Variants in FAT4 observed in about 807,000 individuals in gnomAD.
FAT4 encodes the protein FAT atypical cadherin 4.
Under a neutral mutation model 303.9 loss-of-function variants are expected in FAT4, and 84 were observed. The ratio of observed to expected loss-of-function variants is 0.28; its 90% CI spans 0.23 to 0.33. The LOEUF is 0.33. Among genes scored for constraint, FAT4 ranks in the 10% least tolerant of loss-of-function variants. The pLI is 1.00. For synonymous variants in FAT4, 2,307 were observed against 2,298.8 expected (o/e 1.00, Z -0.10); for missense variants, 6,005 against 6,146.8 (o/e 0.98, Z 0.77).
intron 11 of FAT4, among the ~76,000 whole-genome samples, chr4:125,464,137 A>G (rs1419524226): frequency 2.0e-5 from 3 of 152,064 alleles, no homozygotes. Context: ...AGCCACTTTT[A>G]TTAGAAGGAC....
At chr4:125,471,752 A>T (rs1357001203) in intron 12 of FAT4, among the ~76,000 whole-genome samples, 1 of 151,852 alleles carries the variant, frequency 6.6e-6, no homozygotes, top group African/African-American at 2.4e-5. Flanking sequence ...TTGAGCCTTT[A>T]AAAGTGTAGT....
chr4:125,343,907 G>A (rs1008783510), intron 2 of FAT4, among the ~76,000 whole-genome samples: 1 of 152,142 alleles, frequency 6.6e-6, no homozygotes, highest in African/African-American at 2.4e-5. Context: ...AAAGGAGGGT[G>A]AAGAACAGTA....
chr4:125,364,923 AC>A (rs1732808124), intron 2 of FAT4, among the ~76,000 whole-genome samples: 1 of 152,130 alleles, frequency 6.6e-6, no homozygotes, highest in Admixed American at 6.6e-5. Context: ...TGAAAAGAAA[AC>A]AGTTAGAGGT....
intron 6 of FAT4, 140 bp from the exon 7 acceptor site, chr4:125,416,308 T>A (rs545616388): frequency 1.1e-5 from 9 of 785,028 alleles, no homozygotes; most frequent in Middle Eastern, 6.5e-4. Context: ...GTGCCATTTT[T>A]ATTTTTTACT....
At chr4:125,342,779 G>A (rs1731848412) in intron 2 of FAT4, among the ~76,000 whole-genome samples, 2 of 151,716 alleles carry the variant, frequency 1.3e-5, no homozygotes, top group Admixed American at 6.6e-5. Flanking sequence ...TTATAGCTAA[G>A]AATGTTAAAA....
chr4:125,446,379 C>G lies in FAT4; in HGVS notation c.7286C>G (p.Thr2429Arg). 1 of 1,613,450 alleles carries G rather than the reference C, an allele frequency of 6.2e-7. No individual in the cohort carries two copies. The highest frequency in any genetic ancestry group is 8.5e-7 in the Non-Finnish European group (1 of 1,179,494). The change falls in exon 9 of 18, where the codon ACA becomes AGA. Residue 2429 changes from threonine to arginine, a missense_variant. Coordinates refer to ENST00000394329, the MANE Select transcript of FAT4 (RefSeq NM_001291303.3). The part of the protein sequence containing the change: ...IITSALLDRE[T>R]KDNYTLVVVC... ...ACCAGCGCATTGTTAGATAGGGAAA[C>G]AAAAGATAATTATACTTTGGTAGTG...
At chr4:125,338,683 C>T (rs980079399) in intron 2 of FAT4, among the ~76,000 whole-genome samples, 4 of 152,080 alleles carry the variant, frequency 2.6e-5, no homozygotes, top group East Asian at 1.9e-4. Context: ...CAGCTGATTA[C>T]GGTAACTGGT....
chr4:125,443,673 T>C (rs112832693), intron 8 of FAT4, among the ~76,000 whole-genome samples: 16 of 152,298 alleles, frequency 1.1e-4, no homozygotes, highest in African/African-American at 3.8e-4. Flanking sequence ...AAGAAATCAA[T>C]AAGCTCCTGG....
intron 3 of FAT4, among the ~76,000 whole-genome samples, chr4:125,403,815 G>C (rs1490251704): frequency 6.6e-6 from 1 of 151,870 alleles, no homozygotes; most frequent in African/African-American, 2.4e-5. Flanking sequence ...TTGCACATGG[G>C]GTTGTTAAAA....
At position 125,439,477 on chromosome 4, in the gene FAT4, C is replaced by CGG. The variant is rs1161477950; in HGVS notation, c.7199+5052_7199+5053insGG. On this transcript the variant is annotated intron_variant, in intron 8 of 17. Transcript: ENST00000394329. Reference sequence around the variant, plus strand: ...CCTCCTGAGTAGCTGGGACTACAGGCACCCACCACCATGCCCGGCTAATTT... The same window carrying CGG: ...CCTCCTGAGTAGCTGGGACTACAGGCGGACCCACCACCATGCCCGGCTAATTT... Among the ~76,000 whole-genome samples the CGG allele has an allele frequency of 4.6e-5, 7 of 151,622 alleles. No individual in the cohort carries two copies. The South Asian group carries it at 1.0e-3, about 23-fold the overall frequency.
chr4:125,380,088 T>C (rs1468523015), intron 2 of FAT4, among the ~76,000 whole-genome samples: 1 of 151,836 alleles, frequency 6.6e-6, no homozygotes, highest in East Asian at 2.0e-4. Context: ...AGACAGGGTT[T>C]CTCCATGTTG....
At position 125,316,274 on chromosome 4, in the gene FAT4, A is replaced by C. The variant is rs1259994844; in HGVS notation, c.-12-126A>C. The C allele has an allele frequency of 8.6e-7, 1 of 1,165,344 alleles. No individual in the cohort carries two copies. The highest frequency in any genetic ancestry group is 1.5e-5 in the African/African-American group (1 of 65,062). 72.2% of individuals were successfully genotyped at this position (1,165,344 alleles called of 1,614,324 possible). On this transcript the variant is annotated intron_variant, in intron 1 of 17. Transcript: ENST00000394329. The surrounding 1 kb of genome is among the most constrained non-coding windows in gnomAD (Gnocchi z 5.7). Reference sequence around the variant, plus strand: ...ATGCTACTTGCTTTTGCCGGACTGGAGGTTCTTTGAAATAGCAGAGGTCTC... The same window carrying C: ...ATGCTACTTGCTTTTGCCGGACTGGCGGTTCTTTGAAATAGCAGAGGTCTC...
At chr4:125,474,554 A>T (rs1449813273) in intron 12 of FAT4, among the ~76,000 whole-genome samples, 1 of 151,998 alleles carries the variant, frequency 6.6e-6, no homozygotes, top group Non-Finnish European at 1.5e-5. Context: ...ATGGCAAAAA[A>T]AATTCCATGT....
At chr4:125,399,622 A>T (rs1734307716) in intron 3 of FAT4, among the ~76,000 whole-genome samples, 2 of 151,996 alleles carry the variant, frequency 1.3e-5, no homozygotes, top group African/African-American at 4.8e-5. Context: ...GATTCCTGGC[A>T]TATGAATCAG....
At chr4:125,444,087 C>T (rs973831841) in intron 8 of FAT4, among the ~76,000 whole-genome samples, 1 of 152,044 alleles carries the variant, frequency 6.6e-6, no homozygotes, top group African/African-American at 2.4e-5. Context: ...TTAAAATAGA[C>T]AGTCATACGG....
rs1037764195 is a variant in FAT4, at chr4:125,452,317, G to A, written c.11307G>A (p.Lys3769=). The change falls in exon 10 of 18, where the codon AAG becomes AAA. Residue 3769 remains lysine, a synonymous_variant. Transcript: ENST00000394329. ...NNRTFLLAAV[K]RNHNQYVNPS... Reference sequence around the variant, plus strand: ...GAACGTTTCTTTTGGCAGCTGTGAAGCGAAATCATAATCAGTATGTGAATC... The same window carrying A: ...GAACGTTTCTTTTGGCAGCTGTGAAACGAAATCATAATCAGTATGTGAATC... The A allele has an allele frequency of 5.6e-6, 9 of 1,614,114 alleles. No homozygotes were observed. The highest frequency in any genetic ancestry group is 3.3e-5 in the Admixed American group (2 of 60,008).
At chr4:125,367,149 A>T (rs555501556) in intron 2 of FAT4, among the ~76,000 whole-genome samples, 1 of 152,188 alleles carries the variant, frequency 6.6e-6, no homozygotes, top group African/African-American at 2.4e-5. Context: ...TAATTTTAGC[A>T]TCGCAAATAT....
At chr4:125,356,662 A>G (rs1732439635) in intron 2 of FAT4, among the ~76,000 whole-genome samples, 1 of 149,928 alleles carries the variant, frequency 6.7e-6, no homozygotes, top group Non-Finnish European at 1.5e-5. Context: ...CAAGACTAAT[A>G]TAAGTAGAAT....
intron 10 of FAT4, among the ~76,000 whole-genome samples, chr4:125,454,515 A>G (rs1726209877): frequency 6.6e-6 from 1 of 150,594 alleles, no homozygotes; most frequent in Non-Finnish European, 1.5e-5. Flanking sequence ...GGGTTTTTGT[A>G]ATGAGTAAAT....
Sources: gnomAD v4.1 joint callset for allele counts (sites outside exome capture counted in the v4.1 genomes callset) on GRCh38, gnomAD v4.1.1 for gene constraint, Gnocchi (gnomAD v3.1) non-coding constraint, MANE v1.5 for transcripts, NCBI Gene and HGNC (gene_info 2026-07-23, HGNC 2026-07-21) for gene names.